Variants in YTHDC2 observed in about 807,000 individuals in gnomAD.
YTHDC2 encodes the protein 3'-5' RNA helicase YTHDC2.
In YTHDC2, 45 loss-of-function variants were observed where a neutral mutation model predicts 174.9. The ratio of observed to expected loss-of-function variants is 0.26; its 90% CI spans 0.20 to 0.33. YTHDC2 has a LOEUF of 0.33. Ranked by LOEUF, YTHDC2 falls within the 10% of genes least tolerant of loss-of-function variation. The pLI, the probability that YTHDC2 is intolerant of heterozygous loss-of-function variation, is 1.00. For synonymous variants in YTHDC2, 657 were observed against 574.5 expected (o/e 1.14, Z -2.05); for missense variants, 1,650 against 1,723.7 (o/e 0.96, Z 0.76).
intron 24 of YTHDC2, 31 bp from the exon 25 acceptor site, chr5:113,581,386 C>T (rs1163843905): frequency 3.3e-6 from 5 of 1,526,134 alleles, no homozygotes; most frequent in Non-Finnish European, 4.4e-6. Flanking sequence ...ATGTGATATT[C>T]ATTTGCTTGT....
intron 12 of YTHDC2, among the ~76,000 whole-genome samples, chr5:113,551,244 G>A (rs1465375169): frequency 6.6e-6 from 1 of 151,918 alleles, no homozygotes; most frequent in Non-Finnish European, 1.5e-5. Flanking sequence ...CACTTTGAAT[G>A]TTCCAGACAT....
In YTHDC2 at chr5:113,563,373, G is replaced by C; in HGVS notation, c.2323G>C (p.Glu775Gln). ...TPELLRMPLQELCLHTKLLAP... is the reference protein window; with the variant it reads ...TPELLRMPLQQLCLHTKLLAP... ...AATTATTTACTGTTTTGGTTTATAG[G>C]AACTTTGCTTACATACCAAGCTGTT... The change falls in exon 19 of 30, where the codon GAA becomes CAA. Residue 775 changes from glutamate to glutamine, a missense_variant and splice_region_variant. Around this residue, in one of 5 missense-constraint regions of YTHDC2, gnomAD observed 913 missense variants for 940.4 expected, o/e 0.97. Coordinates refer to ENST00000161863, the MANE Select transcript of YTHDC2 (RefSeq NM_022828.5). 6.2e-7 allele frequency: 1 copy of C among 1,606,944 alleles called. No individual in the cohort carries two copies. Among genetic ancestry groups the C allele is most frequent in the Non-Finnish European group, 8.5e-7 (1 of 1,176,722 alleles).
At chr5:113,562,731 A>G (rs1777077075) in intron 18 of YTHDC2, among the ~76,000 whole-genome samples, 1 of 152,066 alleles carries the variant, frequency 6.6e-6, no homozygotes, top group Non-Finnish European at 1.5e-5. Flanking sequence ...CAATCTTTAC[A>G]TCTTAGTTTA....
Position 113,589,296 on chromosome 5 carries a change from A to G in YTHDC2, c.3826-1745A>G, listed in dbSNP as rs141850342. Among the ~76,000 whole-genome samples the G allele has an allele frequency of 5.1e-3, 754 of 149,210 alleles. 13 individuals carry two copies. The highest frequency in any genetic ancestry group is 0.018 in the African/African-American group (723 of 40,482). ...GTTCTACTGTTTTGTCTGTACGTTCACTGATGTTTTTATTTAGTGTCTAAT... is the reference window on the plus strand; with the variant it reads ...GTTCTACTGTTTTGTCTGTACGTTCGCTGATGTTTTTATTTAGTGTCTAAT... On this transcript the variant is annotated intron_variant, in intron 26 of 29. Transcript: ENST00000161863.
chr5:113,580,916 C>A (rs1406207352), intron 24 of YTHDC2, among the ~76,000 whole-genome samples: 2 of 152,158 alleles, frequency 1.3e-5, no homozygotes, highest in Non-Finnish European at 2.9e-5. Flanking sequence ...TTTAAGTTCT[C>A]TAGCACTTTG....
chr5:113,522,278 A>T (rs1773927786), intron 2 of YTHDC2, among the ~76,000 whole-genome samples: 1 of 151,936 alleles, frequency 6.6e-6, no homozygotes, highest in African/African-American at 2.4e-5. Flanking sequence ...AGTAGGGAAT[A>T]TTGAAGCATA....
At chr5:113,586,289 A>G (rs1657840268) in intron 26 of YTHDC2, among the ~76,000 whole-genome samples, 1 of 151,944 alleles carries the variant, frequency 6.6e-6, no homozygotes, top group Admixed American at 6.6e-5. Flanking sequence ...TGTGCTTATT[A>G]GCCATTGTGT....
intron 10 of YTHDC2, among the ~76,000 whole-genome samples, chr5:113,545,403 A>T (rs949225531): frequency 8.2e-6 from 1 of 122,628 alleles, no homozygotes; most frequent in African/African-American, 3.3e-5. Context: ...TTTTGTTTTG[A>T]AACAGGGTCT....
chr5:113,530,857 G>T (rs1774608947), intron 4 of YTHDC2, among the ~76,000 whole-genome samples: 1 of 151,524 alleles, frequency 6.6e-6, no homozygotes, highest in Non-Finnish European at 1.5e-5. Context: ...AACATTTCTT[G>T]CAAGGCTGTA....
At chr5:113,581,798 T>G in intron 25 of YTHDC2, 89 bp downstream of exon 25, 1 of 1,139,770 alleles carries the variant, frequency 8.8e-7, no homozygotes, top group Non-Finnish European at 1.1e-6. Flanking sequence ...TTATAATATT[T>G]AAAAATTACT....
chr5:113,534,560 T>C (rs962694468), intron 6 of YTHDC2, among the ~76,000 whole-genome samples, 153 bp downstream of exon 6: 1 of 152,190 alleles, frequency 6.6e-6, no homozygotes, highest in Admixed American at 6.5e-5. Flanking sequence ...TTGAACAGGC[T>C]GTAATGATCA....
At chr5:113,591,323 C>G in intron 27 of YTHDC2, 79 bp downstream of exon 27, 1 of 1,411,540 alleles carries the variant, frequency 7.1e-7, no homozygotes, top group African/African-American at 1.4e-5. Context: ...AAACAACTGG[C>G]TTTTCATTGC....
intron 2 of YTHDC2, among the ~76,000 whole-genome samples, chr5:113,519,808 C>T (rs754768678): frequency 4.6e-5 from 7 of 152,078 alleles, no homozygotes; most frequent in Non-Finnish European, 1.0e-4. Context: ...TAAATTTAAT[C>T]AAGATTAGAA....
At chr5:113,541,849 T>A (rs1176050148) in intron 9 of YTHDC2, among the ~76,000 whole-genome samples, 1 of 152,066 alleles carries the variant, frequency 6.6e-6, no homozygotes, top group African/African-American at 2.4e-5. Context: ...TAAAAAAACA[T>A]ATAGTATAGA....
At chr5:113,572,011 A>G (rs2112755184) in intron 23 of YTHDC2, among the ~76,000 whole-genome samples, 1 of 152,094 alleles carries the variant, frequency 6.6e-6, no homozygotes, top group Middle Eastern at 3.4e-3. Flanking sequence ...GTCTTCTGCT[A>G]GCTTGGGTTT....
chr5:113,553,906 T>C (rs367955145), intron 15 of YTHDC2, 36 bp from the exon 16 acceptor site: 188 of 1,582,828 alleles, frequency 1.2e-4, no homozygotes, highest in Middle Eastern at 8.5e-4. Flanking sequence ...ATTTTTTCTG[T>C]TTTTTTATTA....
At chr5:113,522,473 T>A (rs921232905) in intron 2 of YTHDC2, among the ~76,000 whole-genome samples, 1 of 152,176 alleles carries the variant, frequency 6.6e-6, no homozygotes, top group South Asian at 2.1e-4. Flanking sequence ...TGCTCTCAAC[T>A]GTAATTTTAT....
rs1052896 is a variant in YTHDC2, at chr5:113,595,255, A to C, written c.*1781A>C. On this transcript the variant is annotated 3_prime_UTR_variant, in exon 30 of 30. Coordinates refer to ENST00000161863, the MANE Select transcript of YTHDC2 (RefSeq NM_022828.5). Reference sequence around the variant, plus strand: ...TGTTTTTTGGAAGCGATAAACTTTAAATATACTTATTAAAATGAAATTCTA... The same window carrying C: ...TGTTTTTTGGAAGCGATAAACTTTACATATACTTATTAAAATGAAATTCTA... 6.6e-6 allele frequency: 1 copy of C among 151,910 alleles called. No individual in the cohort carries two copies. Among genetic ancestry groups the C allele is most frequent in the African/African-American group, 2.4e-5 (1 of 41,362 alleles). 9.4% of individuals were successfully genotyped at this position (151,910 alleles called of 1,614,324 possible).
chr5:113,584,094 T>C, intron 25 of YTHDC2: 1 of 376,802 alleles, frequency 2.7e-6, no homozygotes, highest in East Asian at 3.9e-5. Context: ...GCTCAGGATC[T>C]CATACCTAGT....
Sources: allele counts gnomAD v4.1 joint callset (sites outside exome capture counted in the v4.1 genomes callset), GRCh38; gene constraint gnomAD v4.1.1; regional missense constraint gnomAD v4.1.1; transcripts MANE v1.5; gene names NCBI Gene and HGNC (gene_info 2026-07-23, HGNC 2026-07-21).